The following DNAH9 variants were observed in gnomAD, a reference collection of about 807,000 sequenced individuals.
DNAH9 encodes the protein dynein axonemal heavy chain 9.
A neutral mutation model predicts 471.6 loss-of-function variants in DNAH9; 345 were observed. That is an observed-to-expected ratio of 0.73 (90% confidence interval 0.67 to 0.80). The LOEUF is 0.80. Ranked by LOEUF, DNAH9 falls within the 30% of genes least tolerant of loss-of-function variation. The probability of loss-of-function intolerance (pLI) is 0.00; values close to 1 mark genes in which losing one functional copy is unlikely to be tolerated. For synonymous variants in DNAH9, 2,093 were observed against 2,123.6 expected (o/e 0.99, Z 0.40); for missense variants, 5,407 against 5,609.2 (o/e 0.96, Z 1.15).
intron 51 of DNAH9, among the ~76,000 whole-genome samples, chr17:11,870,281 A>G (rs1972215130): frequency 6.6e-6 from 1 of 152,024 alleles, no homozygotes; most frequent in African/African-American, 2.4e-5. Context: ...ACAGCCTTTT[A>G]AATCTCCTAT....
At chr17:11,934,455 T>C (rs1974630929) in intron 65 of DNAH9, among the ~76,000 whole-genome samples, 1 of 113,366 alleles carries the variant, frequency 8.8e-6, no homozygotes, top group Admixed American at 9.4e-5. Context: ...TTTTTTTTTT[T>C]TTTTTTTTGA....
intron 45 of DNAH9, among the ~76,000 whole-genome samples, chr17:11,816,857 A>C (rs1345381015): frequency 6.6e-6 from 1 of 152,186 alleles, no homozygotes; most frequent in Non-Finnish European, 1.5e-5. Context: ...GGAGTTACAA[A>C]TAGTGTTTCC....
chr17:11,645,873 C>CTTTTTTTTTTTT (rs1205010044), intron 11 of DNAH9, among the ~76,000 whole-genome samples: 35 of 138,714 alleles, frequency 2.5e-4, no homozygotes, highest in African/African-American at 9.1e-4. Flanking sequence ...TTCTCTTTTT[C>CTTTTTTTTTTTT]TTTTTCTTTT....
intron 35 of DNAH9, 134 bp downstream of exon 35, chr17:11,757,826 C>A: frequency 1.1e-6 from 1 of 930,658 alleles, no homozygotes; most frequent in Non-Finnish European, 1.6e-6. Flanking sequence ...CCAGGCATGG[C>A]AGATGGCAAA....
intron 10 of DNAH9, among the ~76,000 whole-genome samples, chr17:11,641,393 C>G (rs2073268871): frequency 2.0e-5 from 3 of 152,084 alleles, no homozygotes; most frequent in Non-Finnish European, 4.4e-5. Flanking sequence ...AAACTCTGTG[C>G]AGAACTAACA....
At chr17:11,792,048 G>A (rs1295352945) in intron 41 of DNAH9, among the ~76,000 whole-genome samples, 3 of 152,026 alleles carry the variant, frequency 2.0e-5, no homozygotes, top group Non-Finnish European at 4.4e-5. Flanking sequence ...CTGGGGGGCC[G>A]AGGTGGGTGG....
In DNAH9 at chr17:11,757,531, C is replaced by A; in HGVS notation, c.6848-14C>A. On this transcript the variant is annotated splice_polypyrimidine_tract_variant and intron_variant, in intron 34 of 68. Transcript: ENST00000262442. ...TATGGAATATTCACTAAACTGTATT[C>A]TCTGTGCTCACAGGGATCTTGTACA... The A allele has an allele frequency of 2.5e-6, 4 of 1,608,232 alleles. No homozygotes were observed. Among genetic ancestry groups the A allele is most frequent in the East Asian group, 2.2e-5 (1 of 44,862 alleles).
intron 45 of DNAH9, among the ~76,000 whole-genome samples, chr17:11,817,835 T>C (rs180890155): frequency 2.6e-4 from 39 of 152,330 alleles, no homozygotes; most frequent in African/African-American, 8.7e-4. Flanking sequence ...ATTAAATAAG[T>C]TGGTACAATT....
At chr17:11,947,258 G>GC (rs1220225536) in intron 67 of DNAH9, among the ~76,000 whole-genome samples, 1 of 152,152 alleles carries the variant, frequency 6.6e-6, no homozygotes, top group Non-Finnish European at 1.5e-5. Context: ...ACTCACAAAA[G>GC]CCTGATGTAC....
intron 1 of DNAH9, among the ~76,000 whole-genome samples, chr17:11,601,278 C>A (rs1031311433): frequency 2.9e-5 from 4 of 137,352 alleles, no homozygotes; most frequent in Non-Finnish European, 6.0e-5. Flanking sequence ...TAAAGAAGTG[C>A]AGAATTGCAT....
intron 19 of DNAH9, among the ~76,000 whole-genome samples, chr17:11,683,942 T>C (rs927336293): frequency 1.3e-5 from 2 of 152,228 alleles, no homozygotes; most frequent in African/African-American, 4.8e-5. Context: ...TCAACTTATG[T>C]GTTTTGTTTT....
chr17:11,910,434 C>T (rs1424612007), intron 61 of DNAH9, among the ~76,000 whole-genome samples: 1 of 152,086 alleles, frequency 6.6e-6, no homozygotes, highest in African/African-American at 2.4e-5. Context: ...ATAGCTGAAC[C>T]ACATTTTATC....
chr17:11,602,433 C>T (rs1220506009), intron 1 of DNAH9, among the ~76,000 whole-genome samples: 1 of 152,144 alleles, frequency 6.6e-6, no homozygotes, highest in Non-Finnish European at 1.5e-5. Context: ...GACTCAGCTG[C>T]GTTTCCCCTA....
intron 38 of DNAH9, among the ~76,000 whole-genome samples, chr17:11,772,446 T>G (rs1300810362): frequency 6.6e-6 from 1 of 152,138 alleles, no homozygotes; most frequent in African/African-American, 2.4e-5. Flanking sequence ...CCTTCCCTCC[T>G]GTTAGAACAC....
chr17:11,630,001 G>T (rs2073037938), intron 7 of DNAH9, among the ~76,000 whole-genome samples: 1 of 152,198 alleles, frequency 6.6e-6, no homozygotes, highest in Non-Finnish European at 1.5e-5. Context: ...CAAAGTCATA[G>T]AAGCAGAGTG....
intron 67 of DNAH9, among the ~76,000 whole-genome samples, chr17:11,950,507 A>G (rs1462208044): frequency 6.6e-6 from 1 of 152,118 alleles, no homozygotes; most frequent in Non-Finnish European, 1.5e-5. Context: ...CTGGAACTAC[A>G]GGTGCACACA....
Position 11,619,659 on chromosome 17 carries a change from G to A in DNAH9, c.1228G>A (p.Asp410Asn). The stretch of plus-strand genomic sequence containing the variant: ...GAGCTTCTTCAAGCAAGAGTTTCAG[G>A]ACAGAAGGGAGAATCTCCACACTTA... ...TLSFFKQEFQ[D>N]RRENLHTYFK... The change falls in exon 6 of 69, where the codon GAC becomes AAC. Residue 410 changes from aspartate (D) to asparagine (N), a missense_variant. By Grantham distance (23) the Asp-to-Asn change is conservative (BLOSUM62 1). Around this residue, in one of 3 missense-constraint regions of DNAH9, gnomAD observed 767 missense variants for 692.5 expected, o/e 1.11. Transcript: ENST00000262442. 1 of 1,614,020 alleles carries A rather than the reference G, an allele frequency of 6.2e-7. No individual in the cohort carries two copies. Among genetic ancestry groups the A allele is most frequent in the Non-Finnish European group, 8.5e-7 (1 of 1,179,862 alleles).
chr17:11,663,399 C>T (rs963752701), intron 14 of DNAH9, among the ~76,000 whole-genome samples: 3 of 152,186 alleles, frequency 2.0e-5, no homozygotes, highest in Non-Finnish European at 4.4e-5. Context: ...TAACCTATGC[C>T]ATAGTTTGAA....
chr17:11,655,351 GGTGTGTGTGT>G (rs144975414), intron 14 of DNAH9, among the ~76,000 whole-genome samples: 85,569 of 147,646 alleles, frequency 0.58, 25,167 homozygotes, highest in Admixed American at 0.69. Flanking sequence ...AGCATTCCAT[GGTGTGTGTGT>G]GTGTGTGTGT....
Sources: gnomAD v4.1 joint callset for allele counts (sites outside exome capture counted in the v4.1 genomes callset) on GRCh38, gnomAD v4.1.1 for gene constraint, gnomAD v4.1.1 regional missense constraint, MANE v1.5 for transcripts, NCBI Gene and HGNC (gene_info 2026-07-23, HGNC 2026-07-21) for gene names.